COL18A1: variants seen among roughly 807,000 people sequenced by gnomAD.
COL18A1 encodes the protein collagen alpha-1(XVIII) chain.
In COL18A1, 133 loss-of-function variants were observed where a neutral mutation model predicts 168.0. The observed-to-expected ratio is 0.79, with a 90% CI of 0.69 to 0.91. The LOEUF is 0.91. COL18A1 is among the 40% of genes least tolerant of loss of function. The pLI, the probability that COL18A1 is intolerant of heterozygous loss-of-function variation, is 0.00. For synonymous variants in COL18A1, 949 were observed against 809.0 expected (o/e 1.17, Z -2.94); for missense variants, 2,126 against 1,925.4 (o/e 1.10, Z -1.95).
At chr21:45,509,915 G>A in intron 39 of COL18A1, 149 bp from the exon 40 acceptor site, 1 of 908,746 alleles carries the variant, frequency 1.1e-6, no homozygotes, top group Non-Finnish European at 1.6e-6. Context: ...CTGCTGCCTG[G>A]GCCCCTCAGT....
At chr21:45,440,358 G>T (rs148171874) in intron 2 of COL18A1, among the ~76,000 whole-genome samples, 250 of 152,340 alleles carry the variant, frequency 1.6e-3, no homozygotes, top group African/African-American at 5.5e-3. Context: ...GAGGAAAGCG[G>T]GTGCTTCAGG....
intron 9 of COL18A1, among the ~76,000 whole-genome samples, chr21:45,478,678 C>T (rs1248504239): frequency 1.4e-5 from 2 of 142,630 alleles, no homozygotes; most frequent in Admixed American, 7.1e-5. Context: ...TGGTGCAAGT[C>T]GGCGGGGGAG....
At chr21:45,478,228 C>A in intron 8 of COL18A1, 99 bp from the exon 9 acceptor site, 1 of 1,522,050 alleles carries the variant, frequency 6.6e-7, no homozygotes, top group Non-Finnish European at 9.1e-7. Flanking sequence ...TCTGCCGCCT[C>A]GTGGGGACTT....
At chr21:45,459,546 G>A (rs1035612184) in intron 2 of COL18A1, among the ~76,000 whole-genome samples, 1 of 152,344 alleles carries the variant, frequency 6.6e-6, no homozygotes, top group Admixed American at 6.5e-5. Flanking sequence ...CCACCCCGCC[G>A]GCCCACCTCG....
In COL18A1 at chr21:45,495,670, A is replaced by G. The variant is rs2036507046; in HGVS notation, c.2508+238A>G. 10 of 521,340 alleles carry G rather than the reference A, an allele frequency of 1.9e-5. 1 individual carries two copies. In the South Asian group the frequency reaches 1.9e-4, roughly 10 times the overall value. 32.3% of individuals were successfully genotyped at this position (521,340 alleles called of 1,614,324 possible). ...CGTACTCATACATGTGTGCACATAT[A>G]CACATGCATCTATGCACATACATGC... On this transcript the variant is annotated intron_variant, in intron 29 of 41. Transcript: ENST00000651438.
chr21:45,438,328 A>G (rs1208084978), intron 2 of COL18A1, among the ~76,000 whole-genome samples: 2 of 35,618 alleles, frequency 5.6e-5, no homozygotes, highest in Non-Finnish European at 1.1e-4. Context: ...ACTCTCCTGC[A>G]CACACACACA....
rs770696109 is a variant in COL18A1, at chr21:45,507,486, C to G, written c.3217-75C>G. 3 of 453,516 alleles carry G rather than the reference C, an allele frequency of 6.6e-6. No homozygotes were observed. The African/African-American group carries it at 1.7e-4, about 25-fold the overall frequency. 28.1% of individuals were successfully genotyped at this position (453,516 alleles called of 1,614,324 possible). A position where few individuals can be genotyped will look rare whatever the true frequency, so the allele number is the denominator to read the frequency against. ...GGGCCAGGTGCTGGGGCGGGAGAGT[C>G]GGGTGCTGGGCAGGGAGGGCACCCT... On this transcript the variant is annotated intron_variant, in intron 37 of 41. Transcript: ENST00000651438.
At chr21:45,440,971 A>G (rs1327913633) in intron 2 of COL18A1, among the ~76,000 whole-genome samples, 2 of 152,182 alleles carry the variant, frequency 1.3e-5, no homozygotes, top group Non-Finnish European at 2.9e-5. Context: ...ACGCTCACTC[A>G]TAGGAGGCTC....
At chr21:45,436,233 GC>G (rs1489327258) in intron 2 of COL18A1, among the ~76,000 whole-genome samples, 2 of 152,102 alleles carry the variant, frequency 1.3e-5, no homozygotes, top group African/African-American at 2.4e-5. Context: ...CTGATGGTGG[GC>G]CCCTGGGCTG....
chr21:45,438,264 A>ACT, intron 2 of COL18A1, among the ~76,000 whole-genome samples: 1 of 117,890 alleles, frequency 8.5e-6, no homozygotes, highest in African/African-American at 3.7e-5. Context: ...ACACACACTC[A>ACT]CACTCAGACA....
chr21:45,487,661 C>A, intron 17 of COL18A1, 152 bp downstream of exon 17: 1 of 955,714 alleles, frequency 1.0e-6, no homozygotes, highest in Admixed American at 1.7e-5. Flanking sequence ...CTGTGCCCCG[C>A]GGGCCACCCT....
intron 2 of COL18A1, among the ~76,000 whole-genome samples, chr21:45,445,108 G>A (rs935039942): frequency 1.4e-4 from 21 of 152,186 alleles, no homozygotes; most frequent in African/African-American, 5.1e-4. Flanking sequence ...CCAGAGAGAA[G>A]CCTTTCCGCC....
intron 2 of COL18A1, among the ~76,000 whole-genome samples, chr21:45,428,320 C>T (rs1017575068): frequency 2.6e-5 from 4 of 152,126 alleles, no homozygotes; most frequent in East Asian, 1.9e-4. Context: ...GCTGACCCGG[C>T]GTGCAGGGGT....
Position 45,421,404 on chromosome 21 carries a change from C to G in COL18A1, c.106+15931C>G, listed in dbSNP as rs771627913. The G allele has an allele frequency of 7.5e-6, 4 of 533,906 alleles. No individual in the cohort carries two copies. In the African/African-American group the frequency reaches 7.7e-5, roughly 10 times the overall value. The allele number at this position is 533,906 out of a possible 1,614,324, so 33.1% of individuals were successfully genotyped here. On this transcript the variant is annotated intron_variant, in intron 2 of 41. Transcript: ENST00000651438. ...AGAGGGCACTGCGGTGCCTGGAGAG[C>G]CAGAGTCCGCCCGTGTGGAAGTGTT...
chr21:45,412,431 G>A (rs891959199), intron 2 of COL18A1, among the ~76,000 whole-genome samples: 3 of 151,608 alleles, frequency 2.0e-5, no homozygotes, highest in East Asian at 3.9e-4. Flanking sequence ...AAGTAGAGAC[G>A]GGGTTTTGCC....
At chr21:45,474,438 T>G (rs1212768311) in intron 4 of COL18A1, among the ~76,000 whole-genome samples, 2 of 138,664 alleles carry the variant, frequency 1.4e-5, no homozygotes, top group Admixed American at 6.9e-5. Context: ...GTGTCTGTGG[T>G]GTGTCTCTGT....
At chr21:45,432,609 C>T (rs1224795403) in intron 2 of COL18A1, among the ~76,000 whole-genome samples, 1 of 152,222 alleles carries the variant, frequency 6.6e-6, no homozygotes, top group African/African-American at 2.4e-5. Context: ...TGGCTCCAGT[C>T]AGAGCATCTG....
chr21:45,413,748 G>T (rs1334197486), intron 2 of COL18A1, among the ~76,000 whole-genome samples: 3 of 145,282 alleles, frequency 2.1e-5, no homozygotes, highest in African/African-American at 5.1e-5. Context: ...GGAAGCAAAG[G>T]CCCCGCCAGC....
intron 2 of COL18A1, chr21:45,421,642 G>C (rs774651043): frequency 5.8e-6 from 3 of 515,170 alleles, no homozygotes; most frequent in African/African-American, 5.8e-5. Flanking sequence ...GAGCGGGTCA[G>C]GTGGCTGGCA....
Sources: gnomAD v4.1 joint callset for allele counts (sites outside exome capture counted in the v4.1 genomes callset) on GRCh38, gnomAD v4.1.1 for gene constraint, MANE v1.5 for transcripts, NCBI Gene and HGNC (gene_info 2026-07-23, HGNC 2026-07-21) for gene names.